The following AMPD3 variants were observed in gnomAD, a reference collection of about 807,000 sequenced individuals.
AMPD3 encodes AMP deaminase 3.
A neutral mutation model predicts 82.3 loss-of-function variants in AMPD3; 57 were observed. The observed-to-expected ratio is 0.69, with a 90% CI of 0.56 to 0.86. The LOEUF (loss-of-function observed/expected upper bound fraction) is 0.86, where lower values mean the gene tolerates loss of function less well. Ranked by LOEUF, AMPD3 falls within the 40% of genes least tolerant of loss-of-function variation. AMPD3 has a pLI of 0.00. For synonymous variants in AMPD3, 381 were observed against 394.7 expected (o/e 0.97, Z 0.41); for missense variants, 870 against 1,003.8 (o/e 0.87, Z 1.80).
chr11:10,498,243 C>T (rs1382273820), intron 10 of AMPD3, among the ~76,000 whole-genome samples: 1 of 152,082 alleles, frequency 6.6e-6, no homozygotes, highest in African/African-American at 2.4e-5. Context: ...CCTGGCAGGA[C>T]CTGGACAGAG....
chr11:10,464,683 A>G (rs775335387), intron 2 of AMPD3, among the ~76,000 whole-genome samples: 12 of 152,054 alleles, frequency 7.9e-5, no homozygotes, highest in South Asian at 2.1e-4. Flanking sequence ...CCCATACCCA[A>G]TTTTGTCTTT....
chr11:10,477,006 G>T, intron 2 of AMPD3: 1 of 985,472 alleles, frequency 1.0e-6, no homozygotes, highest in Non-Finnish European at 1.2e-6. Context: ...TTGTCCCAAA[G>T]ATGTGATAAC....
chr11:10,497,769 A>G (rs11042856), intron 10 of AMPD3: 621,884 of 984,740 alleles, frequency 0.63, 197,739 homozygotes, highest in Non-Finnish European at 0.65. Context: ...TGGAGACAGG[A>G]GGGGAGCTTG....
chr11:10,472,910 A>G (rs1848635747), intron 2 of AMPD3, among the ~76,000 whole-genome samples: 1 of 152,150 alleles, frequency 6.6e-6, no homozygotes, highest in South Asian at 2.1e-4. Context: ...AGGCTGAGGC[A>G]GGAGAATTGC....
rs1463782659 is a variant in AMPD3, at chr11:10,507,120, T to C, written c.*1236T>C. 6.6e-6 allele frequency: 1 copy of C among 152,624 alleles called. No homozygotes were observed. The highest frequency in any genetic ancestry group is 1.9e-4 in the East Asian group (1 of 5,204). The allele number at this position is 152,624 out of a possible 1,614,324, so 9.5% of individuals were successfully genotyped here. On this transcript the variant is annotated 3_prime_UTR_variant, in exon 15 of 15. Coordinates refer to ENST00000396553, the MANE Select transcript of AMPD3 (RefSeq NM_001025389.2). Reference sequence around the variant, plus strand: ...AGGTGCTCAATAAATGCATATTGAATAACTAAGTGAATTTCTTTTGGCAAC... The same window carrying C: ...AGGTGCTCAATAAATGCATATTGAACAACTAAGTGAATTTCTTTTGGCAAC...
At chr11:10,455,057 C>A, upstream of AMPD3, 1 of 745,324 alleles carries the variant, frequency 1.3e-6, no homozygotes, top group Non-Finnish European at 1.6e-6. Flanking sequence ...AAGACACAAC[C>A]TCACGATTGG....
chr11:10,457,310 A>T (rs532517694), intron 1 of AMPD3, among the ~76,000 whole-genome samples: 1 of 152,100 alleles, frequency 6.6e-6, no homozygotes, highest in African/African-American at 2.4e-5. Flanking sequence ...TATTTAAGAC[A>T]CTGGTAGTAG....
At chr11:10,487,044 A>G in intron 5 of AMPD3, 191 bp from the exon 6 acceptor site, 2 of 978,168 alleles carry the variant, frequency 2.0e-6, no homozygotes, top group Non-Finnish European at 2.4e-6. Context: ...CTGACTCTCC[A>G]CTGACTTTAT....
intron 6 of AMPD3, among the ~76,000 whole-genome samples, chr11:10,489,998 G>A (rs1290646470): frequency 1.3e-5 from 2 of 152,166 alleles, no homozygotes; most frequent in Admixed American, 6.5e-5. Context: ...CACTCTCATA[G>A]CCTCTACTAT....
intron 2 of AMPD3, 26 bp from the exon 3 acceptor site, chr11:10,478,500 C>A (rs371548091): frequency 2.5e-6 from 4 of 1,613,512 alleles, no homozygotes; most frequent in Non-Finnish European, 3.4e-6. Flanking sequence ...TGATGTCTCC[C>A]ACTTTTCCTT....
At chr11:10,504,726 TC>T in intron 14 of AMPD3, 67 bp downstream of exon 14, 1 of 1,416,600 alleles carries the variant, frequency 7.1e-7, no homozygotes, top group Non-Finnish European at 1.0e-6. Flanking sequence ...CCAGGAGCCT[TC>T]CAGGCACTGG....
chr11:10,503,750 T>C (rs1462586175), intron 13 of AMPD3, among the ~76,000 whole-genome samples: 1 of 152,248 alleles, frequency 6.6e-6, no homozygotes, highest in East Asian at 1.9e-4. Context: ...AATGTCTTAA[T>C]GGAAGTCAGC....
chr11:10,472,115 T>C (rs936644343), intron 2 of AMPD3, among the ~76,000 whole-genome samples: 5 of 152,100 alleles, frequency 3.3e-5, no homozygotes, highest in Admixed American at 3.3e-4. Flanking sequence ...TATGCAGCCA[T>C]AAAAAAGATG....
At chr11:10,493,090 G>C (rs1468320833) in intron 6 of AMPD3, among the ~76,000 whole-genome samples, 1 of 152,148 alleles carries the variant, frequency 6.6e-6, no homozygotes, top group African/African-American at 2.4e-5. Context: ...TTGTTAACTG[G>C]GGAATGGCCT....
intron 2 of AMPD3, among the ~76,000 whole-genome samples, chr11:10,472,555 G>A (rs1480110653): frequency 3.3e-5 from 5 of 152,202 alleles, no homozygotes; most frequent in African/African-American, 4.8e-5. Context: ...AGAAACATAT[G>A]TGCTTTATGA....
chr11:10,490,808 T>TGAGCC (rs1849219458), intron 6 of AMPD3, among the ~76,000 whole-genome samples: 2 of 152,344 alleles, frequency 1.3e-5, no homozygotes, highest in Admixed American at 1.3e-4. Context: ...CCAGCTGAGC[T>TGAGCC]GAGCCAGGCT....
At chr11:10,450,624 G>C, upstream of AMPD3, 1 of 996,234 alleles carries the variant, frequency 1.0e-6, no homozygotes, top group Non-Finnish European at 1.2e-6. Flanking sequence ...CGGGCCCCGC[G>C]GAGCCCAGGA....
At chr11:10,469,208 T>G (rs1447565093) in intron 2 of AMPD3, among the ~76,000 whole-genome samples, 1 of 143,076 alleles carries the variant, frequency 7.0e-6, no homozygotes, top group East Asian at 2.0e-4. Context: ...CCAGGAGCTG[T>G]TTTTTTTTTG....
upstream of AMPD3, chr11:10,451,124 T>C (rs1026517332): frequency 2.6e-6 from 4 of 1,531,968 alleles, no homozygotes; most frequent in South Asian, 1.2e-5. Flanking sequence ...AGCAGCGCCC[T>C]GGGGTCTGAA....
Sources: allele counts gnomAD v4.1 joint callset (sites outside exome capture counted in the v4.1 genomes callset), GRCh38; gene constraint gnomAD v4.1.1; transcripts MANE v1.5; gene names NCBI Gene and HGNC (gene_info 2026-07-23, HGNC 2026-07-21).